Variants in STPG2 observed in about 807,000 individuals in gnomAD.
STPG2 encodes sperm tail PG-rich repeat containing 2, also known as sperm-tail PG-rich repeat-containing protein 2.
STPG2 carries 56 observed loss-of-function variants against 54.2 expected under a neutral mutation model. That is an observed-to-expected ratio of 1.03 (90% CI 0.83 to 1.29). The LOEUF is 1.29. Among genes scored for constraint, STPG2 ranks in the 50% most tolerant of loss-of-function variants. The pLI is 0.00. For synonymous variants in STPG2, 200 were observed against 181.8 expected, an observed-to-expected ratio of 1.10 and a Z score of -0.81; for missense variants, 596 against 544.9, an observed-to-expected ratio of 1.09 and a Z score of -0.93.
At chr4:98,119,522 T>C (rs1739614661) in intron 3 of STPG2, among the ~76,000 whole-genome samples, 1 of 152,106 alleles carries the variant, frequency 6.6e-6, no homozygotes, top group African/African-American at 2.4e-5. Flanking sequence ...AAAGATACAA[T>C]TGAGGTAATT....
intron 4 of STPG2, among the ~76,000 whole-genome samples, chr4:97,539,779 C>G (rs1322872262): frequency 6.6e-6 from 1 of 151,850 alleles, no homozygotes; most frequent in African/African-American, 2.4e-5. Flanking sequence ...CGCACCTATT[C>G]TCAGACCAAA....
At chr4:97,863,297 C>T (rs1327258203) in intron 8 of STPG2, among the ~76,000 whole-genome samples, 1 of 152,102 alleles carries the variant, frequency 6.6e-6, no homozygotes, top group Non-Finnish European at 1.5e-5. Flanking sequence ...TACAAACTAC[C>T]ATCAGAGAAT....
chr4:97,880,269 A>G (rs976798387), intron 8 of STPG2, among the ~76,000 whole-genome samples: 3 of 152,206 alleles, frequency 2.0e-5, no homozygotes, highest in Non-Finnish European at 4.4e-5. Flanking sequence ...TTTTGTTTCA[A>G]TGGGATCAGG....
intron 4 of STPG2, among the ~76,000 whole-genome samples, chr4:97,521,579 T>A (rs979927897): frequency 1.3e-5 from 2 of 152,056 alleles, no homozygotes; most frequent in Non-Finnish European, 2.9e-5. Flanking sequence ...ACAACAATGA[T>A]AATGAAGACC....
intron 10 of STPG2, among the ~76,000 whole-genome samples, chr4:97,697,053 C>T (rs1723599459): frequency 6.6e-6 from 1 of 152,160 alleles, no homozygotes; most frequent in Non-Finnish European, 1.5e-5. Context: ...GAATGTTTAG[C>T]TTGAATTGCA....
intron 9 of STPG2, among the ~76,000 whole-genome samples, chr4:97,775,061 T>A (rs1726333376): frequency 6.6e-6 from 1 of 152,256 alleles, no homozygotes; most frequent in Admixed American, 6.5e-5. Context: ...AAATTCTGAT[T>A]ACCGGAAATT....
intron 5 of STPG2, among the ~76,000 whole-genome samples, chr4:97,982,033 C>T (rs1448876233): frequency 1.3e-5 from 2 of 151,612 alleles, no homozygotes; most frequent in African/African-American, 2.4e-5. Context: ...CACAGGCACC[C>T]GCCACCATGC....
intron 4 of STPG2, among the ~76,000 whole-genome samples, chr4:97,456,895 A>AAAAAAAAAAAAAG (rs1295160486): frequency 6.7e-6 from 1 of 150,134 alleles, no homozygotes; most frequent in African/African-American, 2.5e-5. Flanking sequence ...CCGTCTCAAA[A>AAAAAAAAAAAAAG]AAAAAAAAAA....
intron 4 of STPG2, among the ~76,000 whole-genome samples, chr4:97,474,012 C>T (rs1053505510): frequency 2.6e-5 from 4 of 151,882 alleles, no homozygotes; most frequent in African/African-American, 9.7e-5. Context: ...ATGTTGGATA[C>T]ATGTCATTAT....
intron 4 of STPG2, among the ~76,000 whole-genome samples, chr4:97,486,175 G>C (rs1325391457): frequency 6.6e-6 from 1 of 151,796 alleles, no homozygotes; most frequent in East Asian, 1.9e-4. Flanking sequence ...AAATAACTGG[G>C]ACTTAATTAA....
rs144499585 is a variant in STPG2, at chr4:98,057,434, T to C, written c.612+48519A>G. 3.1e-3 allele frequency among the ~76,000 whole-genome samples: 472 copies of C among 151,856 alleles called. 12 individuals carry two copies. The highest frequency in any genetic ancestry group is 0.026 in the Admixed American group (390 of 15,240). ...GCAATCACAAGTATTAATAGGAAAA[T>C]AGACCAAGTGAAGGAAAGAATCTCA... On this transcript the variant is annotated intron_variant, in intron 5 of 10. Coordinates refer to ENST00000295268, the MANE Select transcript of STPG2 (RefSeq NM_174952.3).
chr4:97,986,228 T>C (rs783968), intron 5 of STPG2, among the ~76,000 whole-genome samples: 127,495 of 152,180 alleles, frequency 0.84, 53,578 homozygotes, highest in Middle Eastern at 0.94. Context: ...AAGGTTAATA[T>C]TCTTCCCAAG....
At chr4:97,683,366 A>C (rs1220935155) in intron 10 of STPG2, among the ~76,000 whole-genome samples, 1 of 151,854 alleles carries the variant, frequency 6.6e-6, no homozygotes, top group Non-Finnish European at 1.5e-5. Flanking sequence ...TTTCAGATTT[A>C]TTTACAATTA....
chr4:98,008,532 TTTATAAAAACTCACA>T (rs1435489744), intron 5 of STPG2, among the ~76,000 whole-genome samples: 3 of 6,156 alleles, frequency 4.9e-4, no homozygotes, highest in Non-Finnish European at 1.7e-3. Flanking sequence ...TATAAATAGT[TTTATAAAAACTCACA>T]GGTTTTATAA....
At chr4:98,112,488 G>A (rs1018761917) in intron 3 of STPG2, among the ~76,000 whole-genome samples, 1 of 152,076 alleles carries the variant, frequency 6.6e-6, no homozygotes, top group African/African-American at 2.4e-5. Context: ...CCCTATCATT[G>A]ATTGACACAT....
chr4:98,025,375 G>C (rs1375718916), intron 5 of STPG2: 1 of 334,974 alleles, frequency 3.0e-6, no homozygotes. Flanking sequence ...TGGGCCTGCA[G>C]GCCTTTGTTC....
chr4:97,982,377 T>TACATAC (rs1734710200), intron 5 of STPG2, among the ~76,000 whole-genome samples: 1 of 143,538 alleles, frequency 7.0e-6, no homozygotes, highest in African/African-American at 2.6e-5. Flanking sequence ...TCTCTTACTC[T>TACATAC]ACACACACAC....
At chr4:97,451,870 A>C (rs962803788) in intron 4 of STPG2, among the ~76,000 whole-genome samples, 2 of 152,194 alleles carry the variant, frequency 1.3e-5, no homozygotes, top group African/African-American at 4.8e-5. Flanking sequence ...ATCATGTGTT[A>C]ATGTTGAAGA....
intron 9 of STPG2, among the ~76,000 whole-genome samples, chr4:97,715,044 C>T (rs1724246186): frequency 6.6e-6 from 1 of 152,116 alleles, no homozygotes; most frequent in Non-Finnish European, 1.5e-5. Context: ...CTTTGAGGAA[C>T]ATTAAGTGAG....
Sources: allele counts gnomAD v4.1 joint callset (sites outside exome capture counted in the v4.1 genomes callset), GRCh38; gene constraint gnomAD v4.1.1; transcripts MANE v1.5; gene names NCBI Gene and HGNC (gene_info 2026-07-23, HGNC 2026-07-21).